SLC23A2: variants seen among roughly 807,000 people sequenced by gnomAD.
The protein encoded by SLC23A2 is Na(+)/L-ascorbic acid transporter 2.
In SLC23A2, 36 loss-of-function variants were observed where a neutral mutation model predicts 73.3. The observed-to-expected ratio is 0.49, with a 90% CI of 0.38 to 0.65. The LOEUF (loss-of-function observed/expected upper bound fraction) is 0.65, where lower values mean the gene tolerates loss of function less well. SLC23A2 is among the 30% of genes least tolerant of loss of function. The pLI is 0.00. For synonymous variants in SLC23A2, 343 were observed against 327.3 expected, an observed-to-expected ratio of 1.05 and a Z score of -0.52; for missense variants, 507 against 841.6, an observed-to-expected ratio of 0.60 and a Z score of 4.92.
At chr20:4,992,479 A>G (rs944189525) in intron 1 of SLC23A2, among the ~76,000 whole-genome samples, 7 of 149,896 alleles carry the variant, frequency 4.7e-5, no homozygotes, top group African/African-American at 1.7e-4. Flanking sequence ...TAACAAAGCC[A>G]TGGGAAATAA....
At chr20:4,866,381 T>G (rs1284755016) in intron 13 of SLC23A2, among the ~76,000 whole-genome samples, 1 of 152,228 alleles carries the variant, frequency 6.6e-6, no homozygotes, top group African/African-American at 2.4e-5. Context: ...GGATTAGTTA[T>G]ATGCCTGCAA....
intron 2 of SLC23A2, among the ~76,000 whole-genome samples, chr20:4,944,528 C>T (rs1414443026): frequency 6.6e-6 from 1 of 152,206 alleles, no homozygotes; most frequent in Admixed American, 6.5e-5. Flanking sequence ...TGAGCCACCG[C>T]ACCCGGCCAG....
chr20:4,874,539 G>A, intron 10 of SLC23A2, 37 bp downstream of exon 10: 2 of 1,566,572 alleles, frequency 1.3e-6, no homozygotes, highest in Non-Finnish European at 1.7e-6. Context: ...TTAACCAAGG[G>A]CAAAAATGTC....
chr20:4,861,936 C>T lies in SLC23A2; in HGVS notation c.1624+12G>A. ...CAGCTCCCACTCCAAGATGTAAAGC[C>T]CATTTCCTCACCTGTGACCAGAGGG... On this transcript the variant is annotated intron_variant, in intron 15 of 16. Coordinates refer to ENST00000338244, the MANE Select transcript of SLC23A2 (RefSeq NM_005116.6). 6.2e-7 allele frequency: 1 copy of T among 1,613,570 alleles called. No individual in the cohort carries two copies. The highest frequency in any genetic ancestry group is 8.5e-7 in the Non-Finnish European group (1 of 1,179,758).
At chr20:4,931,954 A>C (rs1932795632) in intron 3 of SLC23A2, among the ~76,000 whole-genome samples, 1 of 152,204 alleles carries the variant, frequency 6.6e-6, no homozygotes, top group Admixed American at 6.5e-5. Flanking sequence ...TGGGAAAAAA[A>C]TGTTCTTACT....
chr20:4,968,745 G>A (rs949467038), intron 2 of SLC23A2, among the ~76,000 whole-genome samples: 2 of 148,646 alleles, frequency 1.3e-5, no homozygotes, highest in Non-Finnish European at 1.5e-5. Flanking sequence ...TTGAGACGAC[G>A]TCTGTCTCTG....
At position 4,990,429 on chromosome 20, in the gene SLC23A2, G is replaced by A. The variant is rs115745003; in HGVS notation, c.-282+10977C>T. Among the ~76,000 whole-genome samples, 615 of 152,032 alleles carry A rather than the reference G, an allele frequency of 4.0e-3. 4 individuals are homozygous for A. Among genetic ancestry groups the A allele is most frequent in the African/African-American group, 0.014 (574 of 41,490 alleles). ...CAGTGGCCTGGGCTGAAATGCAGTGGCGCGATCTCGACTCACTGCAACCTC... is the reference window on the plus strand; with the variant it reads ...CAGTGGCCTGGGCTGAAATGCAGTGACGCGATCTCGACTCACTGCAACCTC... On this transcript the variant is annotated intron_variant, in intron 1 of 16. Transcript: ENST00000338244.
In SLC23A2 at chr20:4,852,976, C is replaced by T. The variant is rs756662293; in HGVS notation, c.*3996G>A. ...CTGAACGCTGGCAAAACCGGGTGGCCGTTCTTGCACTACTCGGGTTCTGAC... is the reference window on the plus strand; with the variant it reads ...CTGAACGCTGGCAAAACCGGGTGGCTGTTCTTGCACTACTCGGGTTCTGAC... On this transcript the variant is annotated 3_prime_UTR_variant, in exon 17 of 17. Transcript: ENST00000338244. This position sits in a 1 kb window ranked among gnomAD's most constrained non-coding sequence, Gnocchi z 4.3. 2.6e-5 allele frequency: 4 copies of T among 152,574 alleles called. No individual in the cohort carries two copies. Among genetic ancestry groups the T allele is most frequent in the African/African-American group, 9.7e-5 (4 of 41,446 alleles). 9.5% of individuals were successfully genotyped at this position (152,574 alleles called of 1,614,324 possible). A position where few individuals can be genotyped will look rare whatever the true frequency, so the allele number is the denominator to read the frequency against.
At chr20:4,942,495 G>A (rs1307872402) in intron 2 of SLC23A2, among the ~76,000 whole-genome samples, 3 of 152,048 alleles carry the variant, frequency 2.0e-5, no homozygotes, top group Non-Finnish European at 2.9e-5. Context: ...ATATTTAGAC[G>A]TGTAACAAAT....
intron 16 of SLC23A2, among the ~76,000 whole-genome samples, chr20:4,858,971 T>C (rs1929845550): frequency 6.6e-6 from 1 of 152,212 alleles, no homozygotes; most frequent in South Asian, 2.1e-4. Context: ...TGCAGGGCCT[T>C]TGGCACAGGC....
At chr20:4,946,894 C>T (rs1035725675) in intron 2 of SLC23A2, among the ~76,000 whole-genome samples, 2 of 152,188 alleles carry the variant, frequency 1.3e-5, no homozygotes, top group African/African-American at 2.4e-5. Flanking sequence ...TTTTTCTAAC[C>T]TAATGCTATA....
At chr20:5,000,940 C>T (rs2088110266) in intron 1 of SLC23A2, among the ~76,000 whole-genome samples, 1 of 152,154 alleles carries the variant, frequency 6.6e-6, no homozygotes, top group Non-Finnish European at 1.5e-5. Context: ...CTCCTGATGC[C>T]CCTGAATTCC....
intron 2 of SLC23A2, among the ~76,000 whole-genome samples, chr20:4,934,534 G>A (rs767017988): frequency 2.6e-5 from 4 of 152,066 alleles, no homozygotes; most frequent in South Asian, 4.2e-4. Context: ...ACAGAAGCAC[G>A]TCTATGGGAC....
chr20:5,001,354 C>T (rs1223457213), intron 1 of SLC23A2, 52 bp downstream of exon 1: 2 of 146,350 alleles, frequency 1.4e-5, no homozygotes, highest in Non-Finnish European at 3.0e-5. Context: ...GCGGCCCCGC[C>T]GGCAGGTGCG....
At chr20:4,973,318 T>G (rs35618917) in intron 1 of SLC23A2, among the ~76,000 whole-genome samples, 1 of 152,204 alleles carries the variant, frequency 6.6e-6, no homozygotes, top group Admixed American at 6.5e-5. Context: ...AACGGCTCCA[T>G]GAGGGCAAAG....
rs1568660237 is a variant in SLC23A2 at position 4,992,503 on chromosome 20, G to GA, written c.-282+8902_-282+8903insT. Among the ~76,000 whole-genome samples the GA allele has an allele frequency of 5.7e-3, 542 of 95,730 alleles. 6 individuals are homozygous for GA. The highest frequency in any genetic ancestry group is 0.021 in the African/African-American group (506 of 23,758). The allele number at this position is 95,730 out of a possible 152,430, so 62.8% of individuals were successfully genotyped here. ...CATGGGAAATAAAAAAAGATTGACA[G>GA]TTTTTTTTTTTTTTTTTTTTTGGAG... On this transcript the variant is annotated intron_variant, in intron 1 of 16. Coordinates refer to ENST00000338244, the MANE Select transcript of SLC23A2 (RefSeq NM_005116.6).
At chr20:4,879,553 A>G (rs750987467) in intron 9 of SLC23A2, among the ~76,000 whole-genome samples, 5 of 151,918 alleles carry the variant, frequency 3.3e-5, no homozygotes, top group Non-Finnish European at 7.4e-5. Context: ...AATAAAATCT[A>G]CCCTGTAGTC....
chr20:4,979,910 C>T lies in SLC23A2; in HGVS notation c.-281-8991G>A, dbSNP rs577690039. Among the ~76,000 whole-genome samples, 4 of 152,078 alleles carry T rather than the reference C, an allele frequency of 2.6e-5. 1 individual carries two copies. The highest frequency in any genetic ancestry group is 1.3e-4 in the Admixed American group (2 of 15,276). On this transcript the variant is annotated intron_variant, in intron 1 of 16. Transcript: ENST00000338244. ...TGTATAACATTTATTAAAGTGTTCA[C>T]GTCCTTGATATAAAAATACTGTTAT...
At chr20:4,894,258 G>C (rs531365152) in intron 6 of SLC23A2, among the ~76,000 whole-genome samples, 1 of 152,252 alleles carries the variant, frequency 6.6e-6, no homozygotes, top group South Asian at 2.1e-4. Context: ...GGAAGAGGGA[G>C]AGGGAGAGGG....
Sources: allele counts gnomAD v4.1 joint callset (sites outside exome capture counted in the v4.1 genomes callset), GRCh38; gene constraint gnomAD v4.1.1; non-coding constraint Gnocchi (gnomAD v3.1); transcripts MANE v1.5; gene names NCBI Gene and HGNC (gene_info 2026-07-23, HGNC 2026-07-21).